RELCH: variants seen among roughly 807,000 people sequenced by gnomAD.
RELCH encodes RAB11 binding and LisH domain, coiled-coil and HEAT repeat containing, also known as RAB11-binding protein RELCH.
RELCH carries 41 observed loss-of-function variants against 150.3 expected under a neutral mutation model. That is an observed-to-expected ratio of 0.27 (90% confidence interval 0.21 to 0.35). RELCH has a LOEUF of 0.35. Ranked by LOEUF, RELCH falls within the 10% of genes least tolerant of loss-of-function variation. The probability of loss-of-function intolerance (pLI) is 1.00; values close to 1 mark genes in which losing one functional copy is unlikely to be tolerated. For synonymous variants in RELCH, 478 were observed against 531.8 expected, an observed-to-expected ratio of 0.90 and a Z score of 1.39; for missense variants, 1,092 against 1,467.8, an observed-to-expected ratio of 0.74 and a Z score of 4.18.
At chr18:62,272,987 T>C (rs1337254984) in intron 20 of RELCH, among the ~76,000 whole-genome samples, 2 of 151,982 alleles carry the variant, frequency 1.3e-5, no homozygotes, top group Non-Finnish European at 2.9e-5. Flanking sequence ...AACCATTACT[T>C]TTGTCAATCC....
chr18:62,268,125 T>TA (rs1257577653), intron 19 of RELCH, among the ~76,000 whole-genome samples: 2 of 152,152 alleles, frequency 1.3e-5, no homozygotes, highest in South Asian at 2.1e-4. Flanking sequence ...TATAGTATAG[T>TA]AAAAAACTAT....
chr18:62,274,287 T>C (rs2044072476), intron 21 of RELCH, among the ~76,000 whole-genome samples: 1 of 152,306 alleles, frequency 6.6e-6, no homozygotes, highest in African/African-American at 2.4e-5. Flanking sequence ...AATCAATACA[T>C]TGTAATTTAA....
chr18:62,201,402 G>T (rs950289555), intron 1 of RELCH, among the ~76,000 whole-genome samples: 1 of 151,964 alleles, frequency 6.6e-6, no homozygotes, highest in African/African-American at 2.4e-5. Flanking sequence ...TCTCATGACA[G>T]ATTTTTTTAA....
intron 25 of RELCH, 149 bp downstream of exon 25, chr18:62,282,593 C>A: frequency 1.4e-6 from 1 of 736,726 alleles, no homozygotes; most frequent in Non-Finnish European, 2.3e-6. Context: ...CTCTTGTGTA[C>A]TGAAAGCTAA....
chr18:62,222,624 T>C (rs1416498641), intron 5 of RELCH, among the ~76,000 whole-genome samples: 1 of 151,922 alleles, frequency 6.6e-6, no homozygotes, highest in Non-Finnish European at 1.5e-5. Flanking sequence ...AATCAGAAAT[T>C]AGAGATGTCA....
intron 10 of RELCH, among the ~76,000 whole-genome samples, chr18:62,235,717 G>A (rs1406794391): frequency 6.6e-6 from 1 of 151,276 alleles, no homozygotes; most frequent in Non-Finnish European, 1.5e-5. Context: ...ATTGTAAATG[G>A]AATTGTTCTT....
chr18:62,258,319 A>G lies in RELCH; in HGVS notation c.2038-193A>G, dbSNP rs145187300. Reference sequence around the variant, plus strand: ...TTCTGGCAGGAAATTGGCAAGAGGTATTCTATGTTTACCACTCCCTCTCTT... The same window carrying G: ...TTCTGGCAGGAAATTGGCAAGAGGTGTTCTATGTTTACCACTCCCTCTCTT... On this transcript the variant is annotated intron_variant, in intron 14 of 28. Coordinates refer to ENST00000644646, the MANE Select transcript of RELCH (RefSeq NM_001346231.2). Among the ~76,000 whole-genome samples, 10 of 152,116 alleles carry G rather than the reference A, an allele frequency of 6.6e-5. No individual in the cohort carries two copies. In the East Asian group the frequency reaches 1.9e-3, roughly 29 times the overall value.
At chr18:62,229,507 T>TGTGC (rs1315888943) in intron 8 of RELCH, among the ~76,000 whole-genome samples, 1 of 148,636 alleles carries the variant, frequency 6.7e-6, no homozygotes. Context: ...TGTGTGTGTG[T>TGTGC]GTGTGTGTGT....
rs906159444 is a variant in RELCH, at chr18:62,306,190, A to G, written c.*656A>G. Reference sequence around the variant, plus strand: ...CTCTCATGAATATTCTTTAAGTGCTATTTAAACCTCCCCAGCACTTAGATG... The same window carrying G: ...CTCTCATGAATATTCTTTAAGTGCTGTTTAAACCTCCCCAGCACTTAGATG... On this transcript the variant is annotated 3_prime_UTR_variant, in exon 29 of 29. Transcript: ENST00000644646. 1.3e-5 allele frequency: 2 copies of G among 152,416 alleles called. No homozygotes were observed. The highest frequency in any genetic ancestry group is 2.9e-5 in the Non-Finnish European group (2 of 68,014). 9.4% of individuals were successfully genotyped at this position (152,416 alleles called of 1,614,324 possible).
rs536463737 is a variant in RELCH at position 62,216,804 on chromosome 18, C to G, written c.617-4233C>G. Among the ~76,000 whole-genome samples the G allele has an allele frequency of 2.6e-5, 4 of 151,972 alleles. No individual in the cohort carries two copies. In the South Asian group the frequency reaches 8.3e-4, roughly 32 times the overall value. On this transcript the variant is annotated intron_variant, in intron 2 of 28. Coordinates refer to ENST00000644646, the MANE Select transcript of RELCH (RefSeq NM_001346231.2). ...TCTCATTTCTTAGGTAATGGCCTGG[C>G]AGCATCCATATCCAGCTTTATCAGG...
chr18:62,215,672 A>G (rs1482447694), intron 2 of RELCH, among the ~76,000 whole-genome samples: 2 of 152,188 alleles, frequency 1.3e-5, no homozygotes, highest in African/African-American at 4.8e-5. Flanking sequence ...TAGTTTCTAT[A>G]AGCCTAGAAA....
At chr18:62,258,414 T>C in intron 14 of RELCH, 98 bp from the exon 15 acceptor site, 1 of 1,087,392 alleles carries the variant, frequency 9.2e-7, no homozygotes, top group Non-Finnish European at 1.3e-6. Flanking sequence ...CTTAAAAATA[T>C]GTTCTTAATT....
At chr18:62,301,896 T>A (rs1221801724) in intron 28 of RELCH, among the ~76,000 whole-genome samples, 2 of 152,250 alleles carry the variant, frequency 1.3e-5, no homozygotes, top group Non-Finnish European at 2.9e-5. Context: ...ATAATTGTCA[T>A]ACTAAGCCTA....
At chr18:62,233,805 CTTT>C (rs1016754809) in intron 10 of RELCH, among the ~76,000 whole-genome samples, 1 of 151,660 alleles carries the variant, frequency 6.6e-6, no homozygotes, top group Admixed American at 6.6e-5. Flanking sequence ...TCAGTTTTAG[CTTT>C]TTTATTTTAA....
chr18:62,236,865 G>C (rs1660091716), intron 10 of RELCH, among the ~76,000 whole-genome samples: 1 of 151,376 alleles, frequency 6.6e-6, no homozygotes, highest in Admixed American at 6.6e-5. Context: ...GGTTTAGTTT[G>C]ATCTTTCTGT....
At chr18:62,268,097 A>G (rs1000791339) in intron 19 of RELCH, among the ~76,000 whole-genome samples, 2 of 152,114 alleles carry the variant, frequency 1.3e-5, no homozygotes, top group African/African-American at 2.4e-5. Flanking sequence ...AATAATTTAA[A>G]GCCATATAAA....
chr18:62,249,424 G>T (rs1033735045), intron 11 of RELCH, among the ~76,000 whole-genome samples: 1 of 151,862 alleles, frequency 6.6e-6, no homozygotes, highest in Non-Finnish European at 1.5e-5. Context: ...AGTCAACTAG[G>T]AATAAGGGAA....
chr18:62,233,210 A>T (rs2041687036), intron 10 of RELCH, among the ~76,000 whole-genome samples: 1 of 151,772 alleles, frequency 6.6e-6, no homozygotes, highest in South Asian at 2.1e-4. Flanking sequence ...ATGTTTGCAG[A>T]TAATTTAAAT....
At chr18:62,211,024 T>C (rs1056681885) in intron 1 of RELCH, 129 bp from the exon 2 acceptor site, 1 of 544,390 alleles carries the variant, frequency 1.8e-6, no homozygotes, top group Admixed American at 3.4e-5. Flanking sequence ...TCTGTTGTTG[T>C]TGTTTTAAAA....
Sources: gnomAD v4.1 joint callset for allele counts (sites outside exome capture counted in the v4.1 genomes callset) on GRCh38, gnomAD v4.1.1 for gene constraint, MANE v1.5 for transcripts, NCBI Gene and HGNC (gene_info 2026-07-23, HGNC 2026-07-21) for gene names.